Variants in ANKFN1 observed in about 807,000 individuals in gnomAD.
ANKFN1 encodes the protein ankyrin repeat and fibronectin type-III domain-containing protein 1.
In ANKFN1, 74 loss-of-function variants were observed where a neutral mutation model predicts 108.7. The observed-to-expected ratio is 0.68, with a 90% CI of 0.56 to 0.83. The LOEUF is 0.83. ANKFN1 is among the 40% of genes least tolerant of loss of function. The pLI is 0.00. For missense variants in ANKFN1, 1,505 were observed against 1,382.3 expected, an observed-to-expected ratio of 1.09 and a Z score of -1.41; for synonymous variants, 547 against 516.2, an observed-to-expected ratio of 1.06 and a Z score of -0.81.
chr17:56,060,250 G>A (rs1904949851), intron 4 of ANKFN1, among the ~76,000 whole-genome samples: 1 of 152,100 alleles, frequency 6.6e-6, no homozygotes, highest in Non-Finnish European at 1.5e-5. Context: ...TTGGTGTAAA[G>A]GAACACTTGT....
chr17:56,490,982 G>C (rs1202863986), intron 18 of ANKFN1, among the ~76,000 whole-genome samples: 2 of 152,128 alleles, frequency 1.3e-5, no homozygotes, highest in African/African-American at 4.8e-5. Flanking sequence ...GGGAATTGTA[G>C]GGTGGACAAA....
intron 3 of ANKFN1, among the ~76,000 whole-genome samples, chr17:56,324,780 G>A (rs772113055): frequency 8.5e-5 from 13 of 152,302 alleles, no homozygotes; most frequent in Admixed American, 2.0e-4. Context: ...GTAAATGTTC[G>A]AAGGAGAGAT....
At chr17:56,416,493 A>T (rs114826282) in intron 8 of ANKFN1, among the ~76,000 whole-genome samples, 3,179 of 152,288 alleles carry the variant, frequency 0.021, 112 homozygotes, top group African/African-American at 0.071. Context: ...GCAAATCAAA[A>T]CTCCCATGAG....
intron 16 of ANKFN1, among the ~76,000 whole-genome samples, chr17:56,479,913 C>T (rs1309137952): frequency 1.3e-5 from 2 of 152,194 alleles, no homozygotes; most frequent in Non-Finnish European, 2.9e-5. Flanking sequence ...AACAATGTTG[C>T]CCAAGAGGCA....
chr17:56,267,077 C>T (rs911720488), intron 3 of ANKFN1, among the ~76,000 whole-genome samples: 1 of 152,162 alleles, frequency 6.6e-6, no homozygotes, highest in Admixed American at 6.5e-5. Context: ...TCCTCCCACC[C>T]TCGCCCTCAA....
chr17:56,078,259 C>T (rs1905203832), intron 4 of ANKFN1, among the ~76,000 whole-genome samples: 1 of 152,158 alleles, frequency 6.6e-6, no homozygotes, highest in African/African-American at 2.4e-5. Context: ...CATCATTTTC[C>T]TTTCTGGGCT....
chr17:56,478,235 A>T (rs545529626), intron 16 of ANKFN1, among the ~76,000 whole-genome samples: 1 of 152,362 alleles, frequency 6.6e-6, no homozygotes, highest in South Asian at 2.1e-4. Context: ...TATGTTACTC[A>T]TGGTAAAACC....
intron 16 of ANKFN1, among the ~76,000 whole-genome samples, chr17:56,479,682 T>C (rs1406888564): frequency 6.6e-6 from 1 of 152,220 alleles, no homozygotes; most frequent in Non-Finnish European, 1.5e-5. Flanking sequence ...GACCCACAGA[T>C]TGGAGCCCAG....
At chr17:56,101,781 G>C (rs1467791138) in intron 4 of ANKFN1, among the ~76,000 whole-genome samples, 1 of 152,158 alleles carries the variant, frequency 6.6e-6, no homozygotes, top group East Asian at 1.9e-4. Context: ...AATAGTTTGA[G>C]AAGCACATGT....
intron 3 of ANKFN1, among the ~76,000 whole-genome samples, chr17:56,279,663 G>T (rs756489114): frequency 3.3e-5 from 5 of 152,124 alleles, no homozygotes; most frequent in Non-Finnish European, 7.3e-5. Context: ...ACAACACAAA[G>T]AGCTAGATGA....
intron 8 of ANKFN1, among the ~76,000 whole-genome samples, chr17:56,419,504 TAA>T (rs1853348867): frequency 6.9e-6 from 1 of 144,332 alleles, no homozygotes; most frequent in Non-Finnish European, 1.5e-5. Context: ...AAAAGAGATA[TAA>T]ATTTGGGTCA....
chr17:56,073,592 C>A (rs1355216507), intron 4 of ANKFN1, among the ~76,000 whole-genome samples: 1 of 152,190 alleles, frequency 6.6e-6, no homozygotes, highest in Non-Finnish European at 1.5e-5. Context: ...TGTTGTAGAA[C>A]CACCACCTAT....
intron 3 of ANKFN1, among the ~76,000 whole-genome samples, chr17:56,231,409 G>A (rs1598278449): frequency 6.6e-6 from 1 of 152,160 alleles, no homozygotes; most frequent in East Asian, 1.9e-4. Flanking sequence ...GCAGTACAGG[G>A]ATGTAGCATT....
chr17:56,252,035 A>G lies in ANKFN1; in HGVS notation c.53+24078A>G, dbSNP rs138704649. Among the ~76,000 whole-genome samples, 127 of 152,326 alleles carry G rather than the reference A, an allele frequency of 8.3e-4. 1 individual carries two copies. Among genetic ancestry groups the G allele is most frequent in the African/African-American group, 2.9e-3 (120 of 41,578 alleles). ...CAAGGCAATTAACTGTCAGATATTT[A>G]TTTGTGAATTACAGACTCTGGCTTA... On this transcript the variant is annotated intron_variant, in intron 3 of 20. Coordinates refer to ENST00000682825, the MANE Select transcript of ANKFN1 (RefSeq NM_001370326.1).
chr17:56,164,742 G>A (rs986673468), intron 1 of ANKFN1, among the ~76,000 whole-genome samples: 2 of 152,142 alleles, frequency 1.3e-5, no homozygotes, highest in Non-Finnish European at 2.9e-5. Context: ...ATAAAGTTCA[G>A]CCAGTTTCTC....
Position 56,492,291 on chromosome 17 carries a change from A to G in ANKFN1, c.2365A>G (p.Ile789Val), listed in dbSNP as rs2051064790. 5.7e-6 allele frequency: 4 copies of G among 702,604 alleles called. No individual in the cohort carries two copies. The highest frequency in any genetic ancestry group is 1.0e-5 in the Non-Finnish European group (4 of 384,752). The allele number at this position is 702,604 out of a possible 1,614,324, so 43.5% of individuals were successfully genotyped here. ...CACCCAACAGTCCCTCAGGGAAGCA[A>G]TCTCAGACAGCGAGGTTGCAGCTGC... ...LNTQQSLREAISDSEVAAAKQ... is the reference protein window; with the variant it reads ...LNTQQSLREAVSDSEVAAAKQ... The change falls in exon 19 of 21, where the codon ATC (isoleucine) becomes GTC (valine). Residue 789 changes from isoleucine to valine, a missense_variant. Coordinates refer to ENST00000682825, the MANE Select transcript of ANKFN1 (RefSeq NM_001370326.1).
intron 8 of ANKFN1, among the ~76,000 whole-genome samples, chr17:56,380,645 G>A (rs1479534916): frequency 6.6e-6 from 1 of 152,194 alleles, no homozygotes; most frequent in Non-Finnish European, 1.5e-5. Context: ...CCCACACATG[G>A]CTCAGAGGGT....
chr17:56,052,441 G>T (rs1342389263), intron 4 of ANKFN1, among the ~76,000 whole-genome samples: 1 of 152,158 alleles, frequency 6.6e-6, no homozygotes, highest in Admixed American at 6.5e-5. Context: ...CTGCAGAAAA[G>T]AATAAAGCTT....
intron 10 of ANKFN1, among the ~76,000 whole-genome samples, chr17:56,447,765 T>C (rs1285172185): frequency 6.6e-6 from 1 of 152,194 alleles, no homozygotes; most frequent in African/African-American, 2.4e-5. Flanking sequence ...AAGATATCTC[T>C]CATTTAATGC....
Sources: allele counts gnomAD v4.1 joint callset (sites outside exome capture counted in the v4.1 genomes callset), GRCh38; gene constraint gnomAD v4.1.1; transcripts MANE v1.5; gene names NCBI Gene and HGNC (gene_info 2026-07-23, HGNC 2026-07-21).